Variants in CSTF3 observed in about 807,000 individuals in gnomAD.
CSTF3 encodes the protein cleavage stimulation factor subunit 3.
CSTF3 carries 29 observed loss-of-function variants against 105.8 expected under a neutral mutation model. The observed-to-expected ratio is 0.27, with a 90% CI of 0.20 to 0.37. The LOEUF is 0.37. Ranked by LOEUF, CSTF3 falls within the 10% of genes least tolerant of loss-of-function variation. The probability of loss-of-function intolerance (pLI) is 1.00; values close to 1 mark genes in which losing one functional copy is unlikely to be tolerated. For synonymous variants in CSTF3, 252 were observed against 281.9 expected (o/e 0.89, Z 1.06); for missense variants, 357 against 879.3 (o/e 0.41, Z 7.51).
At chr11:33,108,051 G>A (rs745350598) in intron 4 of CSTF3, 51 bp from the exon 5 acceptor site, 19 of 1,143,442 alleles carry the variant, frequency 1.7e-5, no homozygotes, top group East Asian at 2.6e-5. Context: ...AATTTCACAT[G>A]GACATAGATG....
chr11:33,103,613 C>CA (rs908943420), intron 8 of CSTF3, among the ~76,000 whole-genome samples: 8 of 151,864 alleles, frequency 5.3e-5, no homozygotes, highest in African/African-American at 1.7e-4. Flanking sequence ...ACTAAAAATA[C>CA]AAAAAAATTA....
intron 1 of CSTF3, among the ~76,000 whole-genome samples, chr11:33,154,392 A>T (rs1849830616): frequency 6.6e-6 from 1 of 152,134 alleles, no homozygotes; most frequent in South Asian, 2.1e-4. Context: ...AATATTAAGA[A>T]AACTGAATAT....
At chr11:33,146,982 T>C (rs951056359) in intron 1 of CSTF3, among the ~76,000 whole-genome samples, 3 of 151,814 alleles carry the variant, frequency 2.0e-5, no homozygotes, top group Admixed American at 6.6e-5. Context: ...CTGAGCAACA[T>C]AGTGAGACAC....
intron 3 of CSTF3, among the ~76,000 whole-genome samples, chr11:33,113,258 T>C (rs1441582611): frequency 6.6e-6 from 1 of 151,908 alleles, no homozygotes; most frequent in African/African-American, 2.4e-5. Context: ...AATAAGACCA[T>C]TATATGCATA....
At chr11:33,152,293 C>T (rs111939881) in intron 1 of CSTF3, among the ~76,000 whole-genome samples, 150 of 152,108 alleles carry the variant, frequency 9.9e-4, no homozygotes, top group African/African-American at 3.4e-3. Context: ...AAAAACTGGA[C>T]GTATTATTAT....
At chr11:33,134,150 C>A (rs959363736) in intron 3 of CSTF3, among the ~76,000 whole-genome samples, 24 of 152,272 alleles carry the variant, frequency 1.6e-4, no homozygotes, top group African/African-American at 5.3e-4. Flanking sequence ...TATGGGAGTT[C>A]TTTGCATTGT....
intron 17 of CSTF3, 93 bp from the exon 18 acceptor site, chr11:33,087,234 G>C: frequency 7.6e-7 from 1 of 1,316,300 alleles, no homozygotes; most frequent in Non-Finnish European, 1.1e-6. Context: ...GTGAATATCT[G>C]GGTCAAAACC....
chr11:33,139,564 GAAAATAA>G, intron 3 of CSTF3, among the ~76,000 whole-genome samples: 2 of 151,546 alleles, frequency 1.3e-5, no homozygotes, highest in East Asian at 3.9e-4. Flanking sequence ...TATAGAATGT[GAAAATAA>G]AAAATAAACA....
At chr11:33,095,819 C>CAAAAAAA (rs71034651) in intron 15 of CSTF3, among the ~76,000 whole-genome samples, 5 of 146,042 alleles carry the variant, frequency 3.4e-5, no homozygotes, top group Admixed American at 2.7e-4. Context: ...GACTCTGTCT[C>CAAAAAAA]AAATAAATAA....
chr11:33,138,512 T>G (rs563517838), intron 3 of CSTF3, among the ~76,000 whole-genome samples: 1 of 152,008 alleles, frequency 6.6e-6, no homozygotes, highest in African/African-American at 2.4e-5. Flanking sequence ...TTAACTCAAG[T>G]GTTTAAAACC....
intron 15 of CSTF3, among the ~76,000 whole-genome samples, chr11:33,093,993 A>ACCACACCCAGCCCAGG (rs1342077888): frequency 1.3e-5 from 2 of 152,214 alleles, no homozygotes; most frequent in South Asian, 2.1e-4. Flanking sequence ...GGTGTGAGCC[A>ACCACACCCAGCCCAGG]CCACACCCAG....
chr11:33,148,794 A>T (rs1425442566), intron 1 of CSTF3, among the ~76,000 whole-genome samples: 1 of 151,112 alleles, frequency 6.6e-6, no homozygotes, highest in African/African-American at 2.4e-5. Flanking sequence ...TCAGAATAAT[A>T]TTCTTAAATA....
rs192334453 is a variant in CSTF3, at chr11:33,130,792, G to A, written c.225+10875C>T. On this transcript the variant is annotated intron_variant, in intron 3 of 20. Coordinates refer to ENST00000323959, the MANE Select transcript of CSTF3 (RefSeq NM_001326.3). ...GTCCAGGAGTTCAAGACCAGCCTGG[G>A]CAACATGGCAAAACAAAAAAATACA... Among the ~76,000 whole-genome samples, 8 of 152,238 alleles carry A rather than the reference G, an allele frequency of 5.3e-5. No individual in the cohort carries two copies. In the East Asian group the frequency reaches 1.5e-3, roughly 29 times the overall value.
At chr11:33,110,904 C>T (rs547620606) in intron 3 of CSTF3, among the ~76,000 whole-genome samples, 6 of 152,084 alleles carry the variant, frequency 3.9e-5, no homozygotes, top group South Asian at 2.1e-4. Flanking sequence ...TATCTTTTGA[C>T]GCAGGAATTC....
At chr11:33,146,816 A>T (rs1444610927) in intron 1 of CSTF3, among the ~76,000 whole-genome samples, 2 of 152,070 alleles carry the variant, frequency 1.3e-5, no homozygotes, top group Non-Finnish European at 2.9e-5. Flanking sequence ...CTTGGGATAC[A>T]TAACAAAATA....
Position 33,122,201 on chromosome 11 carries a change from A to G in CSTF3, c.226-13783T>C, listed in dbSNP as rs572399034. On this transcript the variant is annotated intron_variant, in intron 3 of 20. Coordinates refer to ENST00000323959, the MANE Select transcript of CSTF3 (RefSeq NM_001326.3). Reference sequence around the variant, plus strand: ...ATTCTATAAAGTATTTAATTAGCTCACCAATGGGAAAGAAAACTGGTTTTG... The same window carrying G: ...ATTCTATAAAGTATTTAATTAGCTCGCCAATGGGAAAGAAAACTGGTTTTG... Among the ~76,000 whole-genome samples, 19 of 152,356 alleles carry G rather than the reference A, an allele frequency of 1.2e-4. No homozygotes were observed. In the Middle Eastern group the frequency reaches 0.01, roughly 82 times the overall value.
At chr11:33,131,498 T>C (rs1855598319) in intron 3 of CSTF3, among the ~76,000 whole-genome samples, 1 of 152,334 alleles carries the variant, frequency 6.6e-6, no homozygotes, top group African/African-American at 2.4e-5. Context: ...GTATAATGGC[T>C]AGTGACTAGA....
At chr11:33,108,456 T>C in intron 3 of CSTF3, 38 bp from the exon 4 acceptor site, 1 of 1,395,642 alleles carries the variant, frequency 7.2e-7, no homozygotes, top group Non-Finnish European at 9.5e-7. Flanking sequence ...TAATACTATT[T>C]TTTTAGAGCA....
At position 33,084,665 on chromosome 11, in the gene CSTF3, A is replaced by AAAAC. The variant is rs1170471907; in HGVS notation, c.*418_*421dup. The AAAAC allele has an allele frequency of 6.3e-6, 1 of 159,426 alleles. No individual in the cohort carries two copies. Among genetic ancestry groups the AAAAC allele is most frequent in the African/African-American group, 2.4e-5 (1 of 41,608 alleles). The allele number at this position is 159,426 out of a possible 1,614,324, so 9.9% of individuals were successfully genotyped here. A position where few individuals can be genotyped will look rare whatever the true frequency, so the allele number is the denominator to read the frequency against. On this transcript the variant is annotated 3_prime_UTR_variant, in exon 21 of 21. Transcript: ENST00000323959. Reference sequence around the variant, plus strand: ...GATTTCATACATTCTGCCATAAATAAAAACAAACAATAAGGCAGGACTCTA... The same window carrying AAAAC: ...GATTTCATACATTCTGCCATAAATAAAAACAAACAAACAATAAGGCAGGACTCTA...
Sources: allele counts gnomAD v4.1 joint callset (sites outside exome capture counted in the v4.1 genomes callset), GRCh38; gene constraint gnomAD v4.1.1; transcripts MANE v1.5; gene names NCBI Gene and HGNC (gene_info 2026-07-23, HGNC 2026-07-21).